The following RASGRP2 variants were observed in gnomAD, a reference collection of about 807,000 sequenced individuals.
The protein encoded by RASGRP2 is RAS guanyl releasing protein 2.
Under a neutral mutation model 71.0 loss-of-function variants are expected in RASGRP2, and 44 were observed. The ratio of observed to expected loss-of-function variants is 0.62; its 90% CI spans 0.49 to 0.80. The LOEUF (loss-of-function observed/expected upper bound fraction) is 0.80, where lower values mean the gene tolerates loss of function less well. Ranked by LOEUF, RASGRP2 falls within the 30% of genes least tolerant of loss-of-function variation. The probability of loss-of-function intolerance (pLI) is 0.00; values close to 1 mark genes in which losing one functional copy is unlikely to be tolerated. For synonymous variants in RASGRP2, 350 were observed against 330.7 expected (o/e 1.06, Z -0.63); for missense variants, 663 against 813.4 (o/e 0.82, Z 2.25).
intron 12 of RASGRP2, among the ~76,000 whole-genome samples, chr11:64,731,400 C>T (rs1021150909): frequency 2.7e-5 from 4 of 150,874 alleles, no homozygotes; most frequent in Non-Finnish European, 5.9e-5. Flanking sequence ...ATTTTATAAT[C>T]TTGAGGGGCT....
Position 64,739,601 on chromosome 11 carries a change from G to A in RASGRP2, c.696+35C>T, listed in dbSNP as rs760702657. 3.7e-6 allele frequency: 6 copies of A among 1,612,632 alleles called. No individual in the cohort carries two copies. In the African/African-American group the frequency reaches 5.3e-5, roughly 14 times the overall value. ...AGGGTTGGCCTGACTGGCATGTGGG[G>A]TGGTTGGGAGACACCGGGAGGGAGG... On this transcript the variant is annotated intron_variant, in intron 7 of 16. Transcript: ENST00000394432. This position sits in a 1 kb window ranked among gnomAD's most constrained non-coding sequence, Gnocchi z 4.2.
At chr11:64,734,137 C>T (rs2057855750) in intron 12 of RASGRP2, among the ~76,000 whole-genome samples, 1 of 151,784 alleles carries the variant, frequency 6.6e-6, no homozygotes, top group African/African-American at 2.4e-5. Context: ...CATGGTAAAA[C>T]CCCATCTCTG....
At position 64,743,189 on chromosome 11, in the gene RASGRP2, G is replaced by A. The variant is rs962078674; in HGVS notation, c.-71-252C>T. The A allele has an allele frequency of 3.5e-6, 2 of 568,952 alleles. No individual in the cohort carries two copies. Among genetic ancestry groups the A allele is most frequent in the South Asian group, 1.5e-5 (1 of 65,562 alleles). The allele number at this position is 568,952 out of a possible 1,614,324, so 35.2% of individuals were successfully genotyped here. On this transcript the variant is annotated intron_variant, in intron 1 of 16. Coordinates refer to ENST00000394432, the MANE Select transcript of RASGRP2 (RefSeq NM_001098671.2). The surrounding 1 kb of genome is among the most constrained non-coding windows in gnomAD (Gnocchi z 4.9). ...CGAGGGGCTTCACGAGGATGGGGAC[G>A]AACCAAGATCCCAGGACTGGCTGGC...
intron 3 of RASGRP2, 27 bp from the exon 4 acceptor site, chr11:64,741,528 T>A (rs1254993157): frequency 6.5e-7 from 1 of 1,541,378 alleles, no homozygotes; most frequent in Non-Finnish European, 8.8e-7. Context: ...AGGAGGCCGC[T>A]TAACTCTAGA....
In RASGRP2 at chr11:64,741,019, G is replaced by A; in HGVS notation, c.300C>T (p.Ile100=). 1 of 1,613,730 alleles carries A rather than the reference G, an allele frequency of 6.2e-7. No homozygotes were observed. The highest frequency in any genetic ancestry group is 1.7e-4 in the Middle Eastern group (1 of 5,932). Residue 100 remains isoleucine (I), a synonymous_variant, in exon 5 of 17, where the codon ATC becomes ATT. Transcript: ENST00000394432. The stretch of plus-strand genomic sequence containing the variant: ...GGTCTAGCAGAGCCTTCAGCTCCTT[G>A]ATCTGCTCAGCCAACTCCGGGTTCA... ...FDLNPELAEQ[I]KELKALLDQE... is the part of the protein sequence containing the mutation.
At chr11:64,727,624 T>G (rs1345315747) in intron 15 of RASGRP2, among the ~76,000 whole-genome samples, 1 of 151,042 alleles carries the variant, frequency 6.6e-6, no homozygotes, top group African/African-American at 2.4e-5. Context: ...GCGATTCTCG[T>G]GCCTCAGCCT....
intron 3 of RASGRP2, 87 bp downstream of exon 3, chr11:64,741,923 G>T (rs1592388083): frequency 8.8e-7 from 1 of 1,140,732 alleles, no homozygotes; most frequent in Non-Finnish European, 1.3e-6. Flanking sequence ...ATACTTAGGA[G>T]CGAGGCTCAT....
At position 64,739,310 on chromosome 11, in the gene RASGRP2, C is replaced by T; in HGVS notation, c.813+50G>A. 1 of 1,411,796 alleles carries T rather than the reference C, an allele frequency of 7.1e-7. No homozygotes were observed. The highest frequency in any genetic ancestry group is 1.1e-5 in the South Asian group (1 of 86,972). The allele number at this position is 1,411,796 out of a possible 1,614,324, so 87.5% of individuals were successfully genotyped here. A position where few individuals can be genotyped will look rare whatever the true frequency, so the allele number is the denominator to read the frequency against. On this transcript the variant is annotated intron_variant, in intron 8 of 16. Coordinates refer to ENST00000394432, the MANE Select transcript of RASGRP2 (RefSeq NM_001098671.2). The surrounding 1 kb of genome is among the most constrained non-coding windows in gnomAD (Gnocchi z 4.2). The stretch of plus-strand genomic sequence containing the variant: ...CAGCCCCCAGTGCTGCTGGGAGGAC[C>T]CAGTGAAGACAGACCTGGGAAGCAC...
chr11:64,737,019 T>A lies in RASGRP2; in HGVS notation c.829A>T (p.Thr277Ser), dbSNP rs200799017. ...TTGCCTGTCGCCGTCACTAGTTCCG[T>A]GAGACCCTCCCAGAGCTGGGGACAA... is the stretch of plus-strand genomic sequence containing the variant. Reference protein sequence around the residue: ...PETIKLWEGLTELVTATGNYG... With the variant: ...PETIKLWEGLSELVTATGNYG... Residue 277 changes from threonine (T) to serine (S), a missense_variant, in exon 9 of 17, where the codon ACG becomes TCG. Physicochemically the swap from Thr to Ser is moderately conservative, Grantham distance 58. Transcript: ENST00000394432. 2.5e-6 allele frequency: 4 copies of A among 1,613,730 alleles called. No homozygotes were observed. The African/African-American group carries it at 4.0e-5, about 16-fold the overall frequency.
Position 64,729,754 on chromosome 11 carries a change from C to T in RASGRP2, c.1591+8G>A. The T allele has an allele frequency of 6.2e-7, 1 of 1,614,056 alleles. No homozygotes were observed. The highest frequency in any genetic ancestry group is 8.5e-7 in the Non-Finnish European group (1 of 1,179,904). ...TGCCCAGCAGCCCTTCCAGTCATTCCATCTCACCTCGGCATTTGAGGCCCT... is the reference window on the plus strand; with the variant it reads ...TGCCCAGCAGCCCTTCCAGTCATTCTATCTCACCTCGGCATTTGAGGCCCT... On this transcript the variant is annotated splice_region_variant and intron_variant, in intron 14 of 16. Coordinates refer to ENST00000394432, the MANE Select transcript of RASGRP2 (RefSeq NM_001098671.2).
In RASGRP2 at chr11:64,729,112, T is replaced by A. The variant is rs183058314; in HGVS notation, c.1592-70A>T. The A allele has an allele frequency of 6.8e-4, 1,000 of 1,475,630 alleles. 6 individuals carry two copies. In the African/African-American group the frequency reaches 0.013, roughly 19 times the overall value. 91.4% of individuals were successfully genotyped at this position (1,475,630 alleles called of 1,614,324 possible). ...ATACCCTCCATCCCATCCCGCAGGC[T>A]TGTGCCCCCCTACCAGGAACCTTTG... On this transcript the variant is annotated intron_variant, in intron 14 of 16. Coordinates refer to ENST00000394432, the MANE Select transcript of RASGRP2 (RefSeq NM_001098671.2).
At chr11:64,728,820 C>A in intron 15 of RASGRP2, 43 bp downstream of exon 15, 1 of 1,531,686 alleles carries the variant, frequency 6.5e-7, no homozygotes, top group Non-Finnish European at 8.9e-7. Flanking sequence ...AGTAGCCCTG[C>A]ATCCTTCCCT....
In RASGRP2 at chr11:64,739,669, G is replaced by A. The variant is rs140968954; in HGVS notation, c.663C>T (p.Ala221=). 1 of 1,613,980 alleles carries A rather than the reference G, an allele frequency of 6.2e-7. No individual in the cohort carries two copies. The highest frequency in any genetic ancestry group is 8.5e-7 in the Non-Finnish European group (1 of 1,179,948). The stretch of plus-strand genomic sequence containing the variant: ...CGTGGACAAAGTGTGTGATGACCAG[G>A]GCCCGCTGCGGGGCTGTGGGTTTGC... ...ILSKPTAPQR[A]LVITHFVHVA... Residue 221 remains alanine (A), a synonymous_variant, in exon 7 of 17, where the codon GCC becomes GCT. Coordinates refer to ENST00000394432, the MANE Select transcript of RASGRP2 (RefSeq NM_001098671.2). This position sits in a 1 kb window ranked among gnomAD's most constrained non-coding sequence, Gnocchi z 4.2.
intron 15 of RASGRP2, 136 bp downstream of exon 15, chr11:64,728,727 C>T: frequency 9.6e-7 from 1 of 1,042,090 alleles, no homozygotes; most frequent in South Asian, 1.7e-5. Context: ...GCCACCGCGC[C>T]CGGCCTGTCC....
rs2058189973 is a variant in RASGRP2, at chr11:64,743,063, C to T, written c.-71-126G>A. The T allele has an allele frequency of 9.1e-7, 1 of 1,101,852 alleles. No individual in the cohort carries two copies. The highest frequency in any genetic ancestry group is 1.6e-5 in the African/African-American group (1 of 64,266). The allele number at this position is 1,101,852 out of a possible 1,614,324, so 68.3% of individuals were successfully genotyped here. A position where few individuals can be genotyped will look rare whatever the true frequency, so the allele number is the denominator to read the frequency against. ...GGGGCGGAGTTGTCCCCCGCGGCCACTCCCGGGGTTAAACGGTCTGGCCCG... is the reference window on the plus strand; with the variant it reads ...GGGGCGGAGTTGTCCCCCGCGGCCATTCCCGGGGTTAAACGGTCTGGCCCG... On this transcript the variant is annotated intron_variant, in intron 1 of 16. Coordinates refer to ENST00000394432, the MANE Select transcript of RASGRP2 (RefSeq NM_001098671.2). The surrounding 1 kb of genome is among the most constrained non-coding windows in gnomAD (Gnocchi z 4.9).
chr11:64,743,144 C>T lies in RASGRP2; in HGVS notation c.-71-207G>A. The stretch of plus-strand genomic sequence containing the variant: ...ACCCGCAGAGAGGCTTCCGGCCCAC[C>T]CTCGGAGTCGCGGGAAGGCCGAGGG... On this transcript the variant is annotated intron_variant, in intron 1 of 16. Coordinates refer to ENST00000394432, the MANE Select transcript of RASGRP2 (RefSeq NM_001098671.2). This position sits in a 1 kb window ranked among gnomAD's most constrained non-coding sequence, Gnocchi z 4.9. 1 of 654,342 alleles carries T rather than the reference C, an allele frequency of 1.5e-6. No individual in the cohort carries two copies. The highest frequency in any genetic ancestry group is 2.8e-6 in the Non-Finnish European group (1 of 357,748). The allele number at this position is 654,342 out of a possible 1,614,324, so 40.5% of individuals were successfully genotyped here.
In RASGRP2 at chr11:64,736,831, G is replaced by C; in HGVS notation, c.1017C>G (p.Ser339Arg). 6.2e-7 allele frequency: 1 copy of C among 1,612,922 alleles called. No homozygotes were observed. Among genetic ancestry groups the C allele is most frequent in the Non-Finnish European group, 8.5e-7 (1 of 1,179,918 alleles). ...LNGAKMKQLFSILEELAMVTS... is the reference protein window; with the variant it reads ...LNGAKMKQLFRILEELAMVTS... ...TCACCATGGCCAGCTCCTCCAGGATGCTAAAGAGCTGCTTCATCTTGGCCC... is the reference window on the plus strand; with the variant it reads ...TCACCATGGCCAGCTCCTCCAGGATCCTAAAGAGCTGCTTCATCTTGGCCC... The change falls in exon 9 of 17, where the codon AGC becomes AGG. Residue 339 changes from serine to arginine, a missense_variant. By Grantham distance (110) the Ser-to-Arg change is moderately radical (BLOSUM62 -1). Coordinates refer to ENST00000394432, the MANE Select transcript of RASGRP2 (RefSeq NM_001098671.2).
At chr11:64,740,843 G>A (rs766252045) in intron 5 of RASGRP2, 105 bp downstream of exon 5, 50 of 1,486,380 alleles carry the variant, frequency 3.4e-5, no homozygotes, top group Non-Finnish European at 2.0e-5. Context: ...TTTTAAGCGA[G>A]AGAGCAACAT....
intron 5 of RASGRP2, chr11:64,740,427 G>A (rs1198658570): frequency 3.0e-6 from 2 of 661,148 alleles, no homozygotes; most frequent in Non-Finnish European, 5.7e-6. Context: ...CACGGTTCCT[G>A]CCCTCGAGGA....
Sources: allele counts gnomAD v4.1 joint callset (sites outside exome capture counted in the v4.1 genomes callset), GRCh38; gene constraint gnomAD v4.1.1; non-coding constraint Gnocchi (gnomAD v3.1); transcripts MANE v1.5; gene names NCBI Gene and HGNC (gene_info 2026-07-23, HGNC 2026-07-21).